Variants in NALF1 observed in about 807,000 individuals in gnomAD.
NALF1 encodes the protein family with sequence similarity 155 member A.
Under a neutral mutation model 48.4 loss-of-function variants are expected in NALF1, and 3 were observed. The observed-to-expected ratio is 0.06, with a 90% confidence interval of 0.03 to 0.16. The LOEUF is 0.16. NALF1 is among the 10% of genes least tolerant of loss of function. The pLI, the probability that NALF1 is intolerant of heterozygous loss-of-function variation, is 1.00. For missense variants in NALF1, 526 were observed against 571.5 expected (o/e 0.92, Z 0.81); for synonymous variants, 262 against 245.7 (o/e 1.07, Z -0.62).
intron 1 of NALF1, among the ~76,000 whole-genome samples, chr13:107,599,497 C>T (rs1163752921): frequency 6.6e-6 from 1 of 151,794 alleles, no homozygotes; most frequent in African/African-American, 2.4e-5. Flanking sequence ...AGCCAAATTG[C>T]TCTCCAAAAT....
chr13:107,208,618 T>C (rs1879692356), intron 2 of NALF1, among the ~76,000 whole-genome samples: 1 of 152,164 alleles, frequency 6.6e-6, no homozygotes, highest in South Asian at 2.1e-4. Flanking sequence ...CAAAAGCCAA[T>C]GTGAGTGTAA....
At chr13:107,710,872 T>C (rs1222372376) in intron 1 of NALF1, among the ~76,000 whole-genome samples, 2 of 150,856 alleles carry the variant, frequency 1.3e-5, no homozygotes, top group Admixed American at 6.6e-5. Context: ...TATATGTATA[T>C]ATACACATAT....
chr13:107,606,807 A>G (rs1371840977), intron 1 of NALF1, among the ~76,000 whole-genome samples: 1 of 152,202 alleles, frequency 6.6e-6, no homozygotes, highest in Non-Finnish European at 1.5e-5. Context: ...TTTCTGTGCT[A>G]TGATATTACT....
chr13:107,677,343 A>C (rs1402690285), intron 1 of NALF1, among the ~76,000 whole-genome samples: 1 of 152,214 alleles, frequency 6.6e-6, no homozygotes, highest in African/African-American at 2.4e-5. Flanking sequence ...TGCCCAGCCA[A>C]TAGTACTTCT....
intron 1 of NALF1, among the ~76,000 whole-genome samples, chr13:107,617,603 G>C (rs1259513326): frequency 6.6e-6 from 1 of 152,192 alleles, no homozygotes; most frequent in Non-Finnish European, 1.5e-5. Context: ...AGTGGGTTGA[G>C]AAGACAACAA....
chr13:107,760,887 T>C (rs1435546889), intron 1 of NALF1, among the ~76,000 whole-genome samples: 1 of 152,124 alleles, frequency 6.6e-6, no homozygotes, highest in South Asian at 2.1e-4. Flanking sequence ...CTTGCTGTAA[T>C]GAAGGGAGCC....
rs1334433035 is a variant in NALF1, at chr13:107,676,186, A to G, written c.915+189496T>C. On this transcript the variant is annotated intron_variant, in intron 1 of 2. Transcript: ENST00000375915. Reference sequence around the variant, plus strand: ...GTATAATCAAATTAAACAAATGCACACTATGACCAAATGACCACTCCAGAC... The same window carrying G: ...GTATAATCAAATTAAACAAATGCACGCTATGACCAAATGACCACTCCAGAC... 2.0e-5 allele frequency among the ~76,000 whole-genome samples: 3 copies of G among 152,202 alleles called. No homozygotes were observed. In the East Asian group the frequency reaches 5.8e-4, roughly 29 times the overall value.
At chr13:107,179,085 C>A (rs1229780661) in intron 2 of NALF1, among the ~76,000 whole-genome samples, 2 of 152,268 alleles carry the variant, frequency 1.3e-5, no homozygotes, top group African/African-American at 4.8e-5. Flanking sequence ...GCACTATTCG[C>A]AATAGCCAAG....
At chr13:107,184,194 G>A (rs75424603) in intron 2 of NALF1, among the ~76,000 whole-genome samples, 1 of 149,906 alleles carries the variant, frequency 6.7e-6, no homozygotes, top group Non-Finnish European at 1.5e-5. Flanking sequence ...AAAAAAAAAA[G>A]AGAAATCTGA....
chr13:107,686,268 C>T (rs1271836775), intron 1 of NALF1, among the ~76,000 whole-genome samples: 1 of 152,054 alleles, frequency 6.6e-6, no homozygotes, highest in Non-Finnish European at 1.5e-5. Context: ...AGGGAAGCGC[C>T]CACCTGGTAG....
intron 1 of NALF1, among the ~76,000 whole-genome samples, chr13:107,363,032 A>G (rs1883092161): frequency 1.3e-5 from 2 of 152,194 alleles, no homozygotes; most frequent in African/African-American, 4.8e-5. Context: ...ACAACAGAAC[A>G]CATAAACAAT....
intron 1 of NALF1, among the ~76,000 whole-genome samples, chr13:107,439,966 C>T (rs1884529652): frequency 6.6e-6 from 1 of 152,124 alleles, no homozygotes; most frequent in Non-Finnish European, 1.5e-5. Flanking sequence ...AAAAAACCTA[C>T]CTGCTTTAAT....
intron 1 of NALF1, among the ~76,000 whole-genome samples, chr13:107,323,462 CCT>C (rs1293737653): frequency 6.6e-6 from 1 of 152,058 alleles, no homozygotes; most frequent in African/African-American, 2.4e-5. Context: ...ATTTGATCTG[CCT>C]CTGAGTTTAT....
intron 1 of NALF1, among the ~76,000 whole-genome samples, chr13:107,235,538 G>A (rs1880324045): frequency 6.6e-6 from 1 of 151,986 alleles, no homozygotes; most frequent in Non-Finnish European, 1.5e-5. Flanking sequence ...AATCACCTCT[G>A]AATTACTCAT....
intron 1 of NALF1, among the ~76,000 whole-genome samples, chr13:107,231,316 C>A (rs553789265): frequency 6.6e-6 from 1 of 152,012 alleles, no homozygotes; most frequent in East Asian, 1.9e-4. Flanking sequence ...CATATTTTTG[C>A]CAGTTTTATC....
intron 1 of NALF1, among the ~76,000 whole-genome samples, chr13:107,804,748 G>C (rs755442714): frequency 1.3e-5 from 2 of 152,200 alleles, no homozygotes; most frequent in Non-Finnish European, 2.9e-5. Context: ...ATAATCTTTA[G>C]AATTCAATAT....
chr13:107,572,426 G>A (rs972153394), intron 1 of NALF1, among the ~76,000 whole-genome samples: 1 of 152,036 alleles, frequency 6.6e-6, no homozygotes, highest in Non-Finnish European at 1.5e-5. Flanking sequence ...GGTGGGCAGG[G>A]GTCACTTGGC....
chr13:107,829,510 G>T (rs1176945384), intron 1 of NALF1, among the ~76,000 whole-genome samples: 2 of 151,970 alleles, frequency 1.3e-5, no homozygotes, highest in Non-Finnish European at 2.9e-5. Flanking sequence ...AATAAAATCA[G>T]ATCTTCAAAT....
chr13:107,179,467 C>T (rs1433792873), intron 2 of NALF1, among the ~76,000 whole-genome samples: 1 of 151,430 alleles, frequency 6.6e-6, no homozygotes, highest in Non-Finnish European at 1.5e-5. Context: ...AACAGGGTAA[C>T]TACAGTCAAC....
Sources: gnomAD v4.1 joint callset for allele counts (sites outside exome capture counted in the v4.1 genomes callset) on GRCh38, gnomAD v4.1.1 for gene constraint, MANE v1.5 for transcripts, NCBI Gene and HGNC (gene_info 2026-07-23, HGNC 2026-07-21) for gene names.